The following MAP4K3 variants were observed in gnomAD, a reference collection of about 807,000 sequenced individuals.
MAP4K3 encodes MAPK/ERK kinase kinase kinase 3.
A neutral mutation model predicts 143.5 loss-of-function variants in MAP4K3; 94 were observed. The observed-to-expected ratio is 0.65, with a 90% confidence interval of 0.55 to 0.78. The LOEUF is 0.78. Among genes scored for constraint, MAP4K3 ranks in the 30% least tolerant of loss-of-function variants. The pLI is 0.00. For missense variants in MAP4K3, 1,077 were observed against 1,068.1 expected, an observed-to-expected ratio of 1.01 and a Z score of -0.12; for synonymous variants, 416 against 347.2, an observed-to-expected ratio of 1.20 and a Z score of -2.20.
chr2:39,250,496 C>T lies in MAP4K3; in HGVS notation c.*122G>A. On this transcript the variant is annotated 3_prime_UTR_variant, in exon 34 of 34. Transcript: ENST00000263881. ...ATTTTCCCCATCTTATCTCATGCCA[C>T]AATAAATTACAAAGTAACTGAAGAC... 1.1e-6 allele frequency: 1 copy of T among 919,218 alleles called. No individual in the cohort carries two copies. Among genetic ancestry groups the T allele is most frequent in the Non-Finnish European group, 1.6e-6 (1 of 622,960 alleles). The allele number at this position is 919,218 out of a possible 1,614,324, so 56.9% of individuals were successfully genotyped here. A position where few individuals can be genotyped will look rare whatever the true frequency, so the allele number is the denominator to read the frequency against.
intron 31 of MAP4K3, among the ~76,000 whole-genome samples, chr2:39,255,677 A>C (rs1413042905): frequency 1.3e-5 from 2 of 152,182 alleles, no homozygotes; most frequent in East Asian, 3.8e-4. Context: ...TCTTCCATAT[A>C]AATTTATTTT....
chr2:39,426,054 C>G (rs928567951), intron 1 of MAP4K3, among the ~76,000 whole-genome samples: 2 of 152,102 alleles, frequency 1.3e-5, no homozygotes, highest in African/African-American at 4.8e-5. Context: ...AAGAGATAAT[C>G]TGATAGTGAA....
At chr2:39,321,991 T>C (rs1683325336) in intron 12 of MAP4K3, among the ~76,000 whole-genome samples, 1 of 152,218 alleles carries the variant, frequency 6.6e-6, no homozygotes, top group Non-Finnish European at 1.5e-5. Flanking sequence ...GGCGGGATCC[T>C]CCATATGTTG....
intron 16 of MAP4K3, 61 bp from the exon 17 acceptor site, chr2:39,293,329 G>C (rs925839503): frequency 1.9e-6 from 2 of 1,059,976 alleles, no homozygotes; most frequent in Non-Finnish European, 1.4e-6. Context: ...AATATCGAAT[G>C]TGTTTTTATC....
intron 1 of MAP4K3, among the ~76,000 whole-genome samples, chr2:39,394,730 C>T (rs972020762): frequency 6.6e-6 from 1 of 152,028 alleles, no homozygotes; most frequent in African/African-American, 2.4e-5. Flanking sequence ...ACGAAGAGGG[C>T]AACTTCAGGG....
chr2:39,414,216 G>A lies in MAP4K3; in HGVS notation c.96+22676C>T, dbSNP rs116826258. On this transcript the variant is annotated intron_variant, in intron 1 of 33. Transcript: ENST00000263881. ...CAAAAGCCAAAATGAGAAGCAAAGA[G>A]AGGCACCAATCTTCTCTGAAGATCA... 7.5e-3 allele frequency among the ~76,000 whole-genome samples: 1,143 copies of A among 152,248 alleles called. 8 individuals carry two copies. Among genetic ancestry groups the A allele is most frequent in the Non-Finnish European group, 0.011 (781 of 68,008 alleles).
At chr2:39,351,575 A>C (rs1464193172) in intron 3 of MAP4K3, among the ~76,000 whole-genome samples, 1 of 152,240 alleles carries the variant, frequency 6.6e-6, no homozygotes, top group Non-Finnish European at 1.5e-5. Flanking sequence ...AATAATGTAT[A>C]AACACTTTGT....
At chr2:39,299,925 C>T (rs1233244367) in intron 15 of MAP4K3, 124 bp from the exon 16 acceptor site, 2 of 380,768 alleles carry the variant, frequency 5.3e-6, no homozygotes, top group Non-Finnish European at 9.6e-6. Context: ...ATCTGTATTG[C>T]TATACATTCT....
At chr2:39,347,694 T>C (rs550518601) in intron 3 of MAP4K3, among the ~76,000 whole-genome samples, 1 of 152,254 alleles carries the variant, frequency 6.6e-6, no homozygotes, top group Admixed American at 6.5e-5. Context: ...TAAGTCATCT[T>C]AAATTGCTCC....
At chr2:39,425,893 T>C (rs1665056562) in intron 1 of MAP4K3, among the ~76,000 whole-genome samples, 1 of 152,090 alleles carries the variant, frequency 6.6e-6, no homozygotes. Flanking sequence ...ATTAACGGAG[T>C]TAGAAAATCA....
intron 1 of MAP4K3, among the ~76,000 whole-genome samples, chr2:39,411,003 CA>C (rs1268123127): frequency 6.6e-6 from 1 of 152,034 alleles, no homozygotes; most frequent in Non-Finnish European, 1.5e-5. Context: ...ATCATTATGC[CA>C]TTTTTTTTAC....
intron 3 of MAP4K3, among the ~76,000 whole-genome samples, chr2:39,344,694 G>T (rs1573178192): frequency 6.6e-6 from 1 of 152,170 alleles, no homozygotes; most frequent in African/African-American, 2.4e-5. Flanking sequence ...TGGGAACCCA[G>T]AGATGAAAAT....
At chr2:39,299,352 G>T (rs58532689) in intron 16 of MAP4K3, among the ~76,000 whole-genome samples, 3,086 of 152,206 alleles carry the variant, frequency 0.02, 100 homozygotes, top group African/African-American at 0.071. Flanking sequence ...AAAAAGTTAA[G>T]ATTTCTAAGT....
chr2:39,344,567 C>A (rs1665232050), intron 3 of MAP4K3, among the ~76,000 whole-genome samples: 3 of 152,154 alleles, frequency 2.0e-5, no homozygotes, highest in Admixed American at 2.0e-4. Context: ...GTGACAGAGA[C>A]CATGTAGCCC....
rs1666250674 is a variant in MAP4K3 at position 39,377,448 on chromosome 2, G to A, written c.154+618C>T. 2.0e-5 allele frequency among the ~76,000 whole-genome samples: 3 copies of A among 152,004 alleles called. No homozygotes were observed. The South Asian group carries it at 6.2e-4, about 32-fold the overall frequency. ...GTTTCTAAGAGAGAATAAACAAAGA[G>A]TGAGTAATTAGCTAAGAAAAATGTG... is the stretch of plus-strand genomic sequence containing the variant. On this transcript the variant is annotated intron_variant, in intron 2 of 33. Transcript: ENST00000263881.
chr2:39,383,622 T>A (rs1666410763), intron 1 of MAP4K3, among the ~76,000 whole-genome samples: 2 of 151,956 alleles, frequency 1.3e-5, no homozygotes, highest in East Asian at 3.9e-4. Context: ...GGTAGAATTA[T>A]TAATAATTCT....
At chr2:39,336,205 C>T (rs1355909677) in intron 6 of MAP4K3, among the ~76,000 whole-genome samples, 1 of 152,058 alleles carries the variant, frequency 6.6e-6, no homozygotes, top group Non-Finnish European at 1.5e-5. Context: ...GACACAGTGG[C>T]TCACGTCTGT....
Position 39,272,270 on chromosome 2 carries a change from G to A in MAP4K3, c.1973+13C>T, listed in dbSNP as rs780060442. 2 of 1,559,736 alleles carry A rather than the reference G, an allele frequency of 1.3e-6. No homozygotes were observed. Among genetic ancestry groups the A allele is most frequent in the South Asian group, 2.2e-5 (2 of 89,656 alleles). ...CTGTTAATATCATATTGCCTCTAAGGATGTACCCTTACCTTGGCAGTATTC... is the reference window on the plus strand; with the variant it reads ...CTGTTAATATCATATTGCCTCTAAGAATGTACCCTTACCTTGGCAGTATTC... On this transcript the variant is annotated intron_variant, in intron 26 of 33. Transcript: ENST00000263881.
intron 16 of MAP4K3, among the ~76,000 whole-genome samples, chr2:39,299,221 G>A (rs1427676368): frequency 6.6e-6 from 1 of 152,074 alleles, no homozygotes; most frequent in Non-Finnish European, 1.5e-5. Flanking sequence ...CAATTAGACA[G>A]TGCCTGGTGT....
Sources: allele counts gnomAD v4.1 joint callset (sites outside exome capture counted in the v4.1 genomes callset), GRCh38; gene constraint gnomAD v4.1.1; transcripts MANE v1.5; gene names NCBI Gene and HGNC (gene_info 2026-07-23, HGNC 2026-07-21).